C4orf50: variants seen among roughly 807,000 people sequenced by gnomAD.
C4orf50 encodes uncharacterized protein C4orf50.
In C4orf50, 80 loss-of-function variants were observed where a neutral mutation model predicts 77.2. That is an observed-to-expected ratio of 1.04 (90% CI 0.87 to 1.25). The LOEUF (loss-of-function observed/expected upper bound fraction) is 1.25. Ranked by LOEUF, C4orf50 falls within the 50% of genes most tolerant of loss-of-function variation. The pLI is 0.00. For missense variants in C4orf50, 1,257 were observed against 1,152.9 expected (o/e 1.09, Z -1.31); for synonymous variants, 532 against 465.3 (o/e 1.14, Z -1.84).
chr4:5,940,272 A>T (rs1455997269), intron 7 of C4orf50, among the ~76,000 whole-genome samples: 2 of 152,080 alleles, frequency 1.3e-5, no homozygotes, highest in African/African-American at 4.8e-5. Flanking sequence ...AAATGTATGA[A>T]CCTCATCATT....
Position 5,908,708 on chromosome 4 carries a change from CAT to C in C4orf50, c.*2475-10522_*2475-10521del, listed in dbSNP as rs1249805502. ...CACCATCCGATAGGAGAGACCAATA[CAT>C]ACGTGACTGCCCTTGACACCATTCA... On this transcript the variant is annotated intron_variant, in intron 7 of 7. Coordinates refer to the C4orf50 transcript ENST00000324058. This position sits in a 1 kb window ranked among gnomAD's most constrained non-coding sequence, Gnocchi z 5.6. Among the ~76,000 whole-genome samples, 7 of 152,178 alleles carry C rather than the reference CAT, an allele frequency of 4.6e-5. No homozygotes were observed. The highest frequency in any genetic ancestry group is 1.3e-4 in the Admixed American group (2 of 15,276).
chr4:6,016,902 G>A (rs984355912), intron 23 of C4orf50, among the ~76,000 whole-genome samples: 1 of 152,146 alleles, frequency 6.6e-6, no homozygotes, highest in South Asian at 2.1e-4. Flanking sequence ...GGGAAGTCCC[G>A]CAAAAATCCA....
intron 24 of C4orf50, among the ~76,000 whole-genome samples, chr4:6,010,785 G>C (rs1203305945): frequency 6.6e-6 from 1 of 152,162 alleles, no homozygotes; most frequent in Non-Finnish European, 1.5e-5. Context: ...TCCTAAAAGT[G>C]GCCTGCCCTC....
intron 32 of C4orf50, 110 bp from the exon 11 acceptor site, chr4:5,965,255 A>C: frequency 3.0e-5 from 36 of 1,195,498 alleles, no homozygotes; most frequent in Non-Finnish European, 3.6e-5. Context: ...TTCCCAGATC[A>C]TTCCCAGTTT....
intron 25 of C4orf50, among the ~76,000 whole-genome samples, chr4:5,995,932 C>A (rs1437866089): frequency 6.6e-6 from 1 of 152,192 alleles, no homozygotes; most frequent in Non-Finnish European, 1.5e-5. Flanking sequence ...TCTCAGCAGA[C>A]CCAGCATCGG....
chr4:5,961,869 A>T (rs1719296876), intron 33 of C4orf50, among the ~76,000 whole-genome samples: 1 of 151,984 alleles, frequency 6.6e-6, no homozygotes, highest in Non-Finnish European at 1.5e-5. Context: ...GTGTGACGTG[A>T]CAAATTTAGT....
Position 5,927,390 on chromosome 4 carries a change from T to C in C4orf50, c.*2475-29202A>G, listed in dbSNP as rs147147503. Among the ~76,000 whole-genome samples, 392 of 152,142 alleles carry C rather than the reference T, an allele frequency of 2.6e-3. 4 individuals carry two copies. The highest frequency in any genetic ancestry group is 9.0e-3 in the African/African-American group (373 of 41,506). ...CCCCTTTGTTTCCCCTGCCTGGAGC[T>C]TACTCTCTTGCTTTCTGTCTCTGCC... On this transcript the variant is annotated intron_variant, in intron 7 of 7. Transcript: ENST00000324058.
rs1719574435 is a variant in C4orf50, at chr4:5,966,503, G to T, written c.4153+911C>A. ...AATAAATAAATAAATAATAAAAATA[G>T]CAGAATTAAAAAAAAAAAGCACTCA... On this transcript the variant is annotated intron_variant, in intron 32 of 33. Coordinates refer to ENST00000531445, the Ensembl canonical transcript of C4orf50. 7.3e-5 allele frequency among the ~76,000 whole-genome samples: 11 copies of T among 151,136 alleles called. 1 individual carries two copies. In the South Asian group the frequency reaches 2.3e-3, roughly 32 times the overall value.
chr4:5,954,316 G>A (rs116489933), downstream of C4orf50, among the ~76,000 whole-genome samples: 5,779 of 152,156 alleles, frequency 0.038, 310 homozygotes, highest in African/African-American at 0.12. The surrounding 1 kb of genome is among the most constrained non-coding windows in gnomAD (Gnocchi z 4.7). Context: ...CCGGGGCTGG[G>A]CATGGGGAAG....
intron 25 of C4orf50, among the ~76,000 whole-genome samples, chr4:5,995,474 AACACACACACACACACACAC>A (rs55858229): frequency 2.2e-4 from 29 of 134,056 alleles, no homozygotes; most frequent in Non-Finnish European, 4.3e-4. Flanking sequence ...TGGGACTGGA[AACACACACACACACACACAC>A]ACACACACAC....
chr4:6,004,176 A>ATGG (rs1722062314), intron 25 of C4orf50, among the ~76,000 whole-genome samples: 3 of 101,064 alleles, frequency 3.0e-5, no homozygotes, highest in African/African-American at 1.1e-4. Context: ...GATGATGGTG[A>ATGG]TGATGGTGAT....
rs1721364278 is a variant in C4orf50, at chr4:5,992,797, C to A, written c.1221+6G>T. On this transcript the variant is annotated splice_donor_region_variant and intron_variant, in intron 27 of 33. Transcript: ENST00000531445. This position sits in a 1 kb window ranked among gnomAD's most constrained non-coding sequence, Gnocchi z 5.0. ...GCACACACACGCAGAAAGCCTCTGG[C>A]CTCACCTGTTCACGGTTGGATCCGG... The A allele has an allele frequency of 7.5e-6, 3 of 399,186 alleles. No homozygotes were observed. The highest frequency in any genetic ancestry group is 8.8e-6 in the Non-Finnish European group (2 of 226,158). 24.7% of individuals were successfully genotyped at this position (399,186 alleles called of 1,614,324 possible).
At chr4:5,933,696 G>A (rs116103863) in intron 7 of C4orf50, among the ~76,000 whole-genome samples, 2,277 of 152,102 alleles carry the variant, frequency 0.015, 17 homozygotes, top group Non-Finnish European at 0.022. Flanking sequence ...GCCTCCCTGC[G>A]GAGCTCGGGT....
At chr4:5,954,652 TC>T (rs1194643875), downstream of C4orf50, among the ~76,000 whole-genome samples, 1 of 152,018 alleles carries the variant, frequency 6.6e-6, no homozygotes, top group African/African-American at 2.4e-5. The surrounding 1 kb of genome is among the most constrained non-coding windows in gnomAD (Gnocchi z 4.7). Flanking sequence ...TTCGATTCGT[TC>T]ATTTTAAAAA....
chr4:6,006,289 C>T (rs1412816239), intron 25 of C4orf50, among the ~76,000 whole-genome samples: 1 of 152,208 alleles, frequency 6.6e-6, no homozygotes, highest in East Asian at 1.9e-4. Flanking sequence ...GAGCACTCCT[C>T]TTTGGGCTAA....
intron 24 of C4orf50, among the ~76,000 whole-genome samples, chr4:6,010,092 A>G (rs531114574): frequency 1.2e-4 from 19 of 152,110 alleles, no homozygotes; most frequent in Non-Finnish European, 2.2e-4. Context: ...TGTGAACATC[A>G]TTACAGGGCT....
intron 7 of C4orf50, among the ~76,000 whole-genome samples, chr4:5,917,331 C>A (rs1172783594): frequency 6.7e-6 from 1 of 149,594 alleles, no homozygotes; most frequent in Non-Finnish European, 1.5e-5. Flanking sequence ...GAAAAATATA[C>A]ATGATCCTTC....
chr4:5,960,134 A>G (rs1719192333), intron 33 of C4orf50, among the ~76,000 whole-genome samples: 1 of 152,232 alleles, frequency 6.6e-6, no homozygotes, highest in Non-Finnish European at 1.5e-5. Flanking sequence ...CCCACTTAAC[A>G]GTTTAAGAGA....
intron 29 of C4orf50, among the ~76,000 whole-genome samples, chr4:5,977,861 A>G (rs187263257): frequency 1.3e-5 from 2 of 152,360 alleles, no homozygotes; most frequent in East Asian, 3.9e-4. Context: ...CAAAAAGTGA[A>G]CAAGAAGAAA....
Sources: allele counts gnomAD v4.1 joint callset (sites outside exome capture counted in the v4.1 genomes callset), GRCh38; gene constraint gnomAD v4.1.1; non-coding constraint Gnocchi (gnomAD v3.1); transcripts MANE v1.5; gene names NCBI Gene and HGNC (gene_info 2026-07-23, HGNC 2026-07-21).